CCPG1: variants seen among roughly 807,000 people sequenced by gnomAD.
CCPG1 encodes cell cycle progression protein 1.
Under a neutral mutation model 81.3 loss-of-function variants are expected in CCPG1, and 46 were observed. The observed-to-expected ratio is 0.57, with a 90% CI of 0.45 to 0.72. The LOEUF is 0.72. Among genes scored for constraint, CCPG1 ranks in the 30% least tolerant of loss-of-function variants. CCPG1 has a pLI of 0.00. For missense variants in CCPG1, 902 were observed against 937.6 expected, an observed-to-expected ratio of 0.96 and a Z score of 0.50; for synonymous variants, 330 against 305.2, an observed-to-expected ratio of 1.08 and a Z score of -0.85.
intron 1 of CCPG1, among the ~76,000 whole-genome samples, chr15:55,391,278 C>A (rs1223398472): frequency 6.6e-6 from 1 of 152,032 alleles, no homozygotes; most frequent in Non-Finnish European, 1.5e-5. Flanking sequence ...CTATGCCCAG[C>A]TAATTTTTTG....
intron 3 of CCPG1, among the ~76,000 whole-genome samples, chr15:55,384,466 G>A (rs1451441682): frequency 6.6e-6 from 1 of 152,052 alleles, no homozygotes; most frequent in Non-Finnish European, 1.5e-5. Context: ...TCGAGACCAG[G>A]CTAACCAACA....
intron 8 of CCPG1, 157 bp downstream of exon 8, chr15:55,359,382 G>A: frequency 1.4e-6 from 2 of 1,401,664 alleles, no homozygotes; most frequent in Non-Finnish European, 1.9e-6. Context: ...ATAATTTTTA[G>A]ACTCCATCTT....
rs546128024 is a variant in CCPG1 at position 55,383,856 on chromosome 15, G to A, written c.175+1744C>T. Among the ~76,000 whole-genome samples the A allele has an allele frequency of 2.6e-5, 4 of 152,280 alleles. No homozygotes were observed. In the East Asian group the frequency reaches 7.7e-4, roughly 29 times the overall value. ...ATGGCTTAAGGGAATTTTGTGGCTG[G>A]TTCAATCTTCTACCAAGACCACTAA... On this transcript the variant is annotated intron_variant, in intron 3 of 8. Coordinates refer to ENST00000442196, the MANE Select transcript of CCPG1 (RefSeq NM_001204450.2).
intron 1 of CCPG1, among the ~76,000 whole-genome samples, chr15:55,394,241 C>A (rs1595861845): frequency 6.6e-6 from 1 of 152,154 alleles, no homozygotes; most frequent in Non-Finnish European, 1.5e-5. Flanking sequence ...CCACCTCGGC[C>A]TCCCAAAGTG....
At chr15:55,380,227 C>G (rs1367146273) in intron 3 of CCPG1, among the ~76,000 whole-genome samples, 1 of 150,424 alleles carries the variant, frequency 6.6e-6, no homozygotes, top group Non-Finnish European at 1.5e-5. Flanking sequence ...AATTATAGAC[C>G]ATTTTAAATT....
In CCPG1 at chr15:55,360,674, T is replaced by C; in HGVS notation, c.1099A>G (p.Ser367Gly). 2 of 1,614,074 alleles carry C rather than the reference T, an allele frequency of 1.2e-6. No individual in the cohort carries two copies. The highest frequency in any genetic ancestry group is 1.7e-6 in the Non-Finnish European group (2 of 1,180,008). ...HLEEEKQKKH[S>G]FLSQRETLLT... ...AGAGTCTCCCTTTGACTAAGAAAGC[T>C]GTGTTTTTTCTGCTTTTCCTCTTCC... Residue 367 changes from serine to glycine, a missense_variant, in exon 8 of 9, where the codon AGC (serine) becomes GGC (glycine). Physicochemically the swap from Ser to Gly is moderately conservative, Grantham distance 56 (BLOSUM62 0). Around this residue, in one of 3 missense-constraint regions of CCPG1, gnomAD observed 746 missense variants for 728.6 expected, o/e 1.02. Coordinates refer to ENST00000442196, the MANE Select transcript of CCPG1 (RefSeq NM_001204450.2).
chr15:55,358,316 C>A, intron 8 of CCPG1: 1 of 930,540 alleles, frequency 1.1e-6, no homozygotes, highest in Non-Finnish European at 1.3e-6. Context: ...TGGTTTCCAG[C>A]ATCCACTGGG....
At chr15:55,362,765 G>C (rs1394773760) in intron 7 of CCPG1, among the ~76,000 whole-genome samples, 1 of 152,128 alleles carries the variant, frequency 6.6e-6, no homozygotes. Context: ...TCTCTAGCTG[G>C]GCACAGTGGC....
intron 4 of CCPG1, 63 bp from the exon 5 acceptor site, chr15:55,377,213 T>A (rs1017653170): frequency 8.7e-7 from 1 of 1,151,968 alleles, no homozygotes; most frequent in East Asian, 2.3e-5. Flanking sequence ...TACATTTTCT[T>A]AGAATACAAC....
intron 6 of CCPG1, 80 bp downstream of exon 6, chr15:55,371,713 A>G (rs1010127565): frequency 2.1e-6 from 3 of 1,396,454 alleles, no homozygotes; most frequent in Non-Finnish European, 2.0e-6. Context: ...GGCACTGAAA[A>G]CAGATCCCAA....
At chr15:55,383,469 T>A (rs2056741421) in intron 3 of CCPG1, among the ~76,000 whole-genome samples, 1 of 152,214 alleles carries the variant, frequency 6.6e-6, no homozygotes, top group South Asian at 2.1e-4. Context: ...CATTTGCCTC[T>A]AACAAGAAAG....
chr15:55,358,917 TAG>T, intron 8 of CCPG1: 14 of 959,236 alleles, frequency 1.5e-5, no homozygotes, highest in Non-Finnish European at 1.7e-5. Context: ...ATTTGAAGAT[TAG>T]GTAAGTTTCA....
At chr15:55,372,577 T>C in intron 5 of CCPG1, 1 of 196,136 alleles carries the variant, frequency 5.1e-6, no homozygotes, top group South Asian at 9.1e-5. Flanking sequence ...GAGAATCACT[T>C]GAACCTGGGA....
chr15:55,382,931 TA>T (rs2056730283), intron 3 of CCPG1, among the ~76,000 whole-genome samples: 4 of 152,218 alleles, frequency 2.6e-5, no homozygotes, highest in Admixed American at 2.6e-4. Context: ...AAACTCCTGT[TA>T]ATGTTGATAT....
At chr15:55,400,282 G>T (rs899465211) in intron 1 of CCPG1, among the ~76,000 whole-genome samples, 2 of 149,152 alleles carry the variant, frequency 1.3e-5, no homozygotes, top group Non-Finnish European at 3.0e-5. Context: ...AGGCCGAAGT[G>T]GGCGGATCAC....
chr15:55,360,866 G>A lies in CCPG1; in HGVS notation c.907C>T (p.Leu303Phe), dbSNP rs1348648979. The A allele has an allele frequency of 1.9e-6, 3 of 1,606,374 alleles. No homozygotes were observed. The highest frequency in any genetic ancestry group is 2.5e-6 in the Non-Finnish European group (3 of 1,177,866). Residue 303 changes from leucine to phenylalanine, a missense_variant, in exon 8 of 9, where the codon CTT becomes TTT. Physicochemically the swap from Leu to Phe is conservative, Grantham distance 22. Transcript: ENST00000442196. The part of the protein sequence containing the change: ...KMSFETQKTN[L>F]ATENQYLRVS... ...CTTAAATACTGATTTTCTGTAGCAA[G>A]GTTCGTTTTCTGAGTTTCAAAGGAC...
intron 6 of CCPG1, 99 bp from the exon 7 acceptor site, chr15:55,365,408 GTCTTTTTTTTGTT>G (rs2056301624): frequency 4.8e-6 from 3 of 620,326 alleles, no homozygotes; most frequent in Non-Finnish European, 8.0e-6. Flanking sequence ...AAGCTATGTA[GTCTTTTTTTTGTT>G]TTTTTTTTTT....
At chr15:55,401,871 T>A (rs1313767161) in intron 1 of CCPG1, among the ~76,000 whole-genome samples, 2 of 152,190 alleles carry the variant, frequency 1.3e-5, no homozygotes, top group African/African-American at 2.4e-5. Context: ...CTCACCTAAT[T>A]TGCAACTAAT....
intron 6 of CCPG1, among the ~76,000 whole-genome samples, chr15:55,368,435 C>T (rs886579154): frequency 5.9e-5 from 9 of 152,194 alleles, no homozygotes; most frequent in Middle Eastern, 3.4e-3. Context: ...AGTAAGTGTA[C>T]CCTTTGAGCT....
Sources: allele counts gnomAD v4.1 joint callset (sites outside exome capture counted in the v4.1 genomes callset), GRCh38; gene constraint gnomAD v4.1.1; regional missense constraint gnomAD v4.1.1; transcripts MANE v1.5; gene names NCBI Gene and HGNC (gene_info 2026-07-23, HGNC 2026-07-21).